PRPF8: variants seen among roughly 807,000 people sequenced by gnomAD.
The protein encoded by PRPF8 is pre-mRNA processing factor 8.
PRPF8 carries 64 observed loss-of-function variants against 285.9 expected under a neutral mutation model. The observed-to-expected ratio is 0.22, with a 90% CI of 0.18 to 0.28. The LOEUF is 0.28. Ranked by LOEUF, PRPF8 falls within the 10% of genes least tolerant of loss-of-function variation. The probability of loss-of-function intolerance (pLI) is 1.00; values close to 1 mark genes in which losing one functional copy is unlikely to be tolerated. For synonymous variants in PRPF8, 1,325 were observed against 1,118.2 expected (o/e 1.18, Z -3.69); for missense variants, 1,426 against 3,026.7 (o/e 0.47, Z 12.41).
In PRPF8 at chr17:1,653,332, A is replaced by G. The variant is rs1911185007; in HGVS notation, c.6369+210T>C. 1.5e-6 allele frequency: 1 copy of G among 669,958 alleles called. No homozygotes were observed. The allele number at this position is 669,958 out of a possible 1,614,324, so 41.5% of individuals were successfully genotyped here. ...GTTCTCTTCCAAATACTATCAGGCC[A>G]ATACTACAATTACTACCTTCTCTCA... On this transcript the variant is annotated intron_variant, in intron 39 of 42. Transcript: ENST00000304992. This position sits in a 1 kb window ranked among gnomAD's most constrained non-coding sequence, Gnocchi z 4.9.
In PRPF8 at chr17:1,673,853, G is replaced by A. The variant is rs1161943066; in HGVS notation, c.3339C>T (p.Tyr1113=). 4.3e-6 allele frequency: 7 copies of A among 1,613,936 alleles called. No homozygotes were observed. Among genetic ancestry groups the A allele is most frequent in the Non-Finnish European group, 4.2e-6 (5 of 1,180,014 alleles). ...ADEARDLIQR[Y]LTEHPDPNNE... ...TATTGGGGTCAGGGTGCTCTGTCAG[G>A]TAACGTTGAATCAGGTCCCGAGCCT... The change falls in exon 22 of 43, where the codon TAC becomes TAT. Residue 1113 remains tyrosine (Y), a synonymous_variant. Coordinates refer to ENST00000304992, the MANE Select transcript of PRPF8 (RefSeq NM_006445.4). The surrounding 1 kb of genome is among the most constrained non-coding windows in gnomAD (Gnocchi z 5.5).
intron 37 of PRPF8, among the ~76,000 whole-genome samples, 186 bp downstream of exon 37, chr17:1,655,164 G>C (rs973330403): frequency 2.7e-5 from 4 of 149,590 alleles, no homozygotes; most frequent in African/African-American, 9.9e-5. Flanking sequence ...CACCACGTTG[G>C]CCAGGATGGT....
intron 37 of PRPF8, 49 bp downstream of exon 37, chr17:1,655,301 G>A (rs762647641): frequency 2.5e-6 from 4 of 1,606,606 alleles, no homozygotes; most frequent in Middle Eastern, 2.2e-4. Context: ...AAAAACCCCA[G>A]AAAACCGTAT....
intron 35 of PRPF8, 27 bp from the exon 36 acceptor site, chr17:1,656,592 GA>G (rs780105955): frequency 1.2e-6 from 2 of 1,614,140 alleles, no homozygotes; most frequent in South Asian, 2.2e-5. Context: ...TCCAAGATGA[GA>G]AACAGCCTGA....
chr17:1,677,793 ACAGAGGAATGTAGG>A, intron 13 of PRPF8, 99 bp from the exon 14 acceptor site: 3 of 1,488,562 alleles, frequency 2.0e-6, no homozygotes, highest in Non-Finnish European at 2.8e-6. Flanking sequence ...TAATATACAT[ACAGAGGAATGTAGG>A]TATGGCAGTA....
chr17:1,656,983 T>G (rs542873026), intron 34 of PRPF8, among the ~76,000 whole-genome samples: 1 of 152,210 alleles, frequency 6.6e-6, no homozygotes, highest in Non-Finnish European at 1.5e-5. Context: ...CACATGAGTA[T>G]GTGCTAAACT....
rs375069392 is a variant in PRPF8, at chr17:1,659,819, G to A, written c.4946+22C>T. 61 of 1,613,122 alleles carry A rather than the reference G, an allele frequency of 3.8e-5. No individual in the cohort carries two copies. Among genetic ancestry groups the A allele is most frequent in the Non-Finnish European group, 4.1e-5 (48 of 1,179,280 alleles). On this transcript the variant is annotated intron_variant, in intron 31 of 42. Transcript: ENST00000304992. This position sits in a 1 kb window ranked among gnomAD's most constrained non-coding sequence, Gnocchi z 5.1. ...AAACGAAAGTGTCCTGGCTGCCTAG[G>A]GCTGGGTCCTGAGGCACTTACTTGG...
rs561288822 is a variant in PRPF8 at position 1,659,765 on chromosome 17, C to T, written c.4946+76G>A. 9.0e-6 allele frequency: 14 copies of T among 1,557,052 alleles called. No individual in the cohort carries two copies. Among genetic ancestry groups the T allele is most frequent in the African/African-American group, 5.4e-5 (4 of 73,684 alleles). On this transcript the variant is annotated intron_variant, in intron 31 of 42. Coordinates refer to ENST00000304992, the MANE Select transcript of PRPF8 (RefSeq NM_006445.4). This position sits in a 1 kb window ranked among gnomAD's most constrained non-coding sequence, Gnocchi z 5.1. ...TGAAACAAAGGCAGACAGGACAATT[C>T]CTAAAGTTGCAGGGCTAGAAGAACA...
rs556781434 is a variant in PRPF8, at chr17:1,674,798, T to C, written c.3061-118A>G. ...ACTTTTTTCCACTCCCGAGGCGGAG[T>C]TGTGCTCAGTCACCCAGGCTGAGAG... On this transcript the variant is annotated intron_variant, in intron 20 of 42. Coordinates refer to ENST00000304992, the MANE Select transcript of PRPF8 (RefSeq NM_006445.4). The C allele has an allele frequency of 8.6e-5, 92 of 1,072,968 alleles. 3 individuals are homozygous for C. The highest frequency in any genetic ancestry group is 8.3e-4 in the South Asian group (65 of 78,692). 66.5% of individuals were successfully genotyped at this position (1,072,968 alleles called of 1,614,324 possible).
chr17:1,675,952 G>A lies in PRPF8; in HGVS notation c.2655C>T (p.Leu885=), dbSNP rs770643659. The A allele has an allele frequency of 1.2e-6, 2 of 1,614,154 alleles. No individual in the cohort carries two copies. Among genetic ancestry groups the A allele is most frequent in the Non-Finnish European group, 1.7e-6 (2 of 1,180,030 alleles). Residue 885 remains leucine (L), a synonymous_variant, in exon 18 of 43, where the codon CTC becomes CTT. Coordinates refer to ENST00000304992, the MANE Select transcript of PRPF8 (RefSeq NM_006445.4). This position sits in a 1 kb window ranked among gnomAD's most constrained non-coding sequence, Gnocchi z 6.0. ...HEALSRIKRH[L]LTQRAFKEVG... is the part of the protein sequence containing the mutation. ...CCTCTTTGAAGGCTCTCTGTGTGAG[G>A]AGGTGACGCTTGATGCGGGACAGCG...
chr17:1,650,695 A>G lies in PRPF8; in HGVS notation c.*107T>C. 7.4e-7 allele frequency: 1 copy of G among 1,348,956 alleles called. No individual in the cohort carries two copies. Among genetic ancestry groups the G allele is most frequent in the Middle Eastern group, 2.5e-4 (1 of 3,956 alleles). The allele number at this position is 1,348,956 out of a possible 1,614,324, so 83.6% of individuals were successfully genotyped here. A position where few individuals can be genotyped will look rare whatever the true frequency, so the allele number is the denominator to read the frequency against. ...GACAAGCCATCAGGAGGTCAACAAC[A>G]CAAGCACAGACAGAGGGAAAGAGGC... is the stretch of plus-strand genomic sequence containing the variant. On this transcript the variant is annotated 3_prime_UTR_variant, in exon 43 of 43. Coordinates refer to ENST00000304992, the MANE Select transcript of PRPF8 (RefSeq NM_006445.4).
Position 1,673,753 on chromosome 17 carries a change from C to T in PRPF8, c.3439G>A (p.Val1147Ile). 6.2e-7 allele frequency: 1 copy of T among 1,614,076 alleles called. No homozygotes were observed. The highest frequency in any genetic ancestry group is 8.5e-7 in the Non-Finnish European group (1 of 1,180,034). ...DARMRLMKHD[V>I]NLGRAVFWDI... ...GCCCCAACCTAGACTCACAAGTTAA[C>T]ATCATGTTTCATGAGGCGCATGCGG... The change falls in exon 22 of 43, where the codon GTT becomes ATT. Residue 1147 changes from valine (V) to isoleucine (I), a missense_variant. Val to Ile is a conservative substitution (Grantham distance 29). This residue lies in a region of PRPF8 where 148 missense variants were observed against 196.2 expected (regional missense o/e 0.75). Transcript: ENST00000304992. This position sits in a 1 kb window ranked among gnomAD's most constrained non-coding sequence, Gnocchi z 5.5.
At chr17:1,666,413 T>A (rs960292066) in intron 24 of PRPF8, among the ~76,000 whole-genome samples, 1 of 151,888 alleles carries the variant, frequency 6.6e-6, no homozygotes, top group African/African-American at 2.4e-5. Flanking sequence ...CAGCCAGGCA[T>A]GGTGGCATGT....
chr17:1,677,344 T>G, intron 14 of PRPF8, 172 bp from the exon 15 acceptor site: 1 of 960,108 alleles, frequency 1.0e-6, no homozygotes, highest in Non-Finnish European at 1.6e-6. Flanking sequence ...TTCACAACTA[T>G]GCTTCTGAGG....
In PRPF8 at chr17:1,656,497, A is replaced by G. The variant is rs1260484126; in HGVS notation, c.5688T>C (p.Cys1896=). The G allele has an allele frequency of 1.2e-6, 2 of 1,614,046 alleles. No individual in the cohort carries two copies. The highest frequency in any genetic ancestry group is 2.7e-5 in the African/African-American group (2 of 74,928). The change falls in exon 36 of 43, where the codon TGT becomes TGC. Residue 1896 remains cysteine (C), a synonymous_variant. Coordinates refer to ENST00000304992, the MANE Select transcript of PRPF8 (RefSeq NM_006445.4). Reference sequence around the variant, plus strand: ...GATCCCCGAATTTTTCCACCTTGAGACACGCCTGGAAAGGGAGTTGGAGCT... The same window carrying G: ...GATCCCCGAATTTTTCCACCTTGAGGCACGCCTGGAAAGGGAGTTGGAGCT... ...GSELQLPFQA[C]LKVEKFGDLI...
At position 1,676,737 on chromosome 17, in the gene PRPF8, G is replaced by C; in HGVS notation, c.2182-26C>G. The C allele has an allele frequency of 6.2e-7, 1 of 1,611,490 alleles. No homozygotes were observed. The highest frequency in any genetic ancestry group is 8.5e-7 in the Non-Finnish European group (1 of 1,178,936). Reference sequence around the variant, plus strand: ...CTAAAAGTCCAAAAAGCACAATCAAGCCAGGATCCAGCCAGGCACTGTGGC... The same window carrying C: ...CTAAAAGTCCAAAAAGCACAATCAACCCAGGATCCAGCCAGGCACTGTGGC... On this transcript the variant is annotated intron_variant, in intron 15 of 42. Transcript: ENST00000304992. This position sits in a 1 kb window ranked among gnomAD's most constrained non-coding sequence, Gnocchi z 6.3.
In PRPF8 at chr17:1,661,699, T is replaced by C. The variant is rs1911685243; in HGVS notation, c.4114A>G (p.Ile1372Val). ...DQLIPNLYRY[I>V]QPWESEFIDS... is the part of the protein sequence containing the mutation. The stretch of plus-strand genomic sequence containing the variant: ...ATGAACTCGCTCTCCCATGGCTGTA[T>C]GTAGCGGTACAAGTTGGGAATGAGC... Residue 1372 changes from isoleucine to valine, a missense_variant, in exon 26 of 43, where the codon ATA (isoleucine) becomes GTA (valine). Physicochemically the swap from Ile to Val is conservative, Grantham distance 29. Transcript: ENST00000304992. This position sits in a 1 kb window ranked among gnomAD's most constrained non-coding sequence, Gnocchi z 7.3. The C allele has an allele frequency of 6.2e-7, 1 of 1,614,246 alleles. No homozygotes were observed. Among genetic ancestry groups the C allele is most frequent in the Non-Finnish European group, 8.5e-7 (1 of 1,180,046 alleles).
In PRPF8 at chr17:1,679,748, C is replaced by T; in HGVS notation, c.1150G>A (p.Val384Met). The change falls in exon 9 of 43, where the codon GTG becomes ATG. Residue 384 changes from valine (V) to methionine (M), a missense_variant. Coordinates refer to ENST00000304992, the MANE Select transcript of PRPF8 (RefSeq NM_006445.4). This position sits in a 1 kb window ranked among gnomAD's most constrained non-coding sequence, Gnocchi z 4.7. ...DDEEFELPEF[V>M]EPFLKDTPLY... is the part of the protein sequence containing the mutation. ...GGTGTGTCCTTCAGGAAGGGCTCCA[C>T]AAACTCCGGGAGCTCAAATTCCTCA... 1 of 1,614,180 alleles carries T rather than the reference C, an allele frequency of 6.2e-7. No homozygotes were observed. The highest frequency in any genetic ancestry group is 8.5e-7 in the Non-Finnish European group (1 of 1,180,046).
At chr17:1,664,118 C>T (rs1312988290) in intron 24 of PRPF8, among the ~76,000 whole-genome samples, 1 of 152,146 alleles carries the variant, frequency 6.6e-6, no homozygotes, top group Non-Finnish European at 1.5e-5. Context: ...GCAGCCTCCA[C>T]CTCCCAGGCT....
Sources: allele counts gnomAD v4.1 joint callset (sites outside exome capture counted in the v4.1 genomes callset), GRCh38; gene constraint gnomAD v4.1.1; regional missense constraint gnomAD v4.1.1; non-coding constraint Gnocchi (gnomAD v3.1); transcripts MANE v1.5; gene names NCBI Gene and HGNC (gene_info 2026-07-23, HGNC 2026-07-21).